The following GALNT17 variants were observed in gnomAD, a reference collection of about 807,000 sequenced individuals.
GALNT17 encodes UDP-GalNAc:polypeptide N-acetylgalactosaminyltransferase-like 3.
A neutral mutation model predicts 63.7 loss-of-function variants in GALNT17; 29 were observed. The observed-to-expected ratio is 0.46, with a 90% CI of 0.34 to 0.62. GALNT17 has a LOEUF of 0.62. Among genes scored for constraint, GALNT17 ranks in the 20% least tolerant of loss-of-function variants. GALNT17 has a pLI of 0.01. For missense variants in GALNT17, 603 were observed against 799.6 expected, an observed-to-expected ratio of 0.75 and a Z score of 2.97; for synonymous variants, 305 against 318.3, an observed-to-expected ratio of 0.96 and a Z score of 0.45.
chr7:71,625,908 A>G (rs1322103261), intron 6 of GALNT17, among the ~76,000 whole-genome samples: 1 of 152,110 alleles, frequency 6.6e-6, no homozygotes, highest in Non-Finnish European at 1.5e-5. Flanking sequence ...AAATAAGGTC[A>G]TTGGGGTGGA....
At chr7:71,292,153 A>G (rs932633336) in intron 1 of GALNT17, among the ~76,000 whole-genome samples, 2 of 152,178 alleles carry the variant, frequency 1.3e-5, no homozygotes, top group African/African-American at 4.8e-5. Flanking sequence ...GGATTCCGGG[A>G]GAGAGTAGTC....
At chr7:71,454,961 G>A (rs1228145597) in intron 5 of GALNT17, among the ~76,000 whole-genome samples, 1 of 152,052 alleles carries the variant, frequency 6.6e-6, no homozygotes, top group African/African-American at 2.4e-5. Context: ...GAGCTCGGGA[G>A]TTTGAGACCA....
chr7:71,587,102 A>G (rs1789730033), intron 6 of GALNT17, among the ~76,000 whole-genome samples: 1 of 152,070 alleles, frequency 6.6e-6, no homozygotes, highest in South Asian at 2.1e-4. Flanking sequence ...ATCTCAGCTC[A>G]CTGCAACCTC....
intron 2 of GALNT17, among the ~76,000 whole-genome samples, chr7:71,377,113 AAATATATATAT>A (rs1563047639): frequency 0.012 from 950 of 81,928 alleles, 57 homozygotes; most frequent in Non-Finnish European, 0.018. Flanking sequence ...AAAATAAAAA[AAATATATATAT>A]ATATATATAT....
At chr7:71,605,201 C>T (rs1467188975) in intron 6 of GALNT17, among the ~76,000 whole-genome samples, 1 of 152,156 alleles carries the variant, frequency 6.6e-6, no homozygotes, top group Non-Finnish European at 1.5e-5. Flanking sequence ...ACACCGGATG[C>T]CAGCCTTCCG....
At chr7:71,313,673 A>AG (rs1791449369) in intron 1 of GALNT17, among the ~76,000 whole-genome samples, 1 of 152,230 alleles carries the variant, frequency 6.6e-6, no homozygotes. Context: ...AAAGCTCATT[A>AG]GGGAAGAGAG....
chr7:71,409,000 A>G (rs545041810), intron 3 of GALNT17, among the ~76,000 whole-genome samples: 1 of 139,332 alleles, frequency 7.2e-6, no homozygotes, highest in Non-Finnish European at 1.5e-5. Flanking sequence ...ACACATACAT[A>G]TATATGCACA....
At chr7:71,647,206 G>A (rs1790691543) in intron 6 of GALNT17, among the ~76,000 whole-genome samples, 1 of 148,914 alleles carries the variant, frequency 6.7e-6, no homozygotes, top group Admixed American at 6.8e-5. Flanking sequence ...TGGGATTACA[G>A]GTGCCCACCA....
chr7:71,215,547 G>T (rs1436871105), intron 1 of GALNT17, among the ~76,000 whole-genome samples: 1 of 151,986 alleles, frequency 6.6e-6, no homozygotes, highest in Admixed American at 6.6e-5. Flanking sequence ...TACCCCCACA[G>T]ACCCCATCTG....
rs1301940904 is a variant in GALNT17, at chr7:71,710,904, G to A, written c.1644G>A (p.Leu548=). The change falls in exon 10 of 11, where the codon CTG becomes CTA. Residue 548 remains leucine (L), a synonymous_variant. Transcript: ENST00000333538. ...ACTGCGACAAGGTCAAGAGCAGCCT[G>A]TACAAGCGCTGGAACTTCATCCAGG... is the stretch of plus-strand genomic sequence containing the variant. The part of the protein sequence containing the change: ...LLDCDKVKSS[L]YKRWNFIQNG... The A allele has an allele frequency of 1.9e-6, 3 of 1,613,818 alleles. No homozygotes were observed. The African/African-American group carries it at 4.0e-5, about 22-fold the overall frequency.
intron 1 of GALNT17, among the ~76,000 whole-genome samples, chr7:71,199,651 A>C (rs1585876298): frequency 3.6e-5 from 2 of 56,250 alleles, no homozygotes; most frequent in African/African-American, 7.2e-5. Flanking sequence ...CGACCCACCC[A>C]TCCATCTGTC....
chr7:71,688,085 A>G (rs1791388239), intron 9 of GALNT17, among the ~76,000 whole-genome samples: 2 of 152,180 alleles, frequency 1.3e-5, no homozygotes, highest in Admixed American at 6.5e-5. Context: ...ATGGTGTTCT[A>G]TGTATCTGAA....
intron 1 of GALNT17, among the ~76,000 whole-genome samples, chr7:71,197,627 T>C (rs965188233): frequency 1.3e-5 from 2 of 152,068 alleles, no homozygotes; most frequent in African/African-American, 4.8e-5. Flanking sequence ...GTAACCATCC[T>C]TTTGCTCTCT....
intron 6 of GALNT17, among the ~76,000 whole-genome samples, chr7:71,659,258 A>G (rs575178713): frequency 2.0e-5 from 3 of 152,224 alleles, no homozygotes; most frequent in Non-Finnish European, 4.4e-5. Flanking sequence ...TCCTCTATGT[A>G]TCACTTATGT....
chr7:71,230,000 CATG>C (rs1789758384), intron 1 of GALNT17, among the ~76,000 whole-genome samples: 1 of 152,154 alleles, frequency 6.6e-6, no homozygotes, highest in Non-Finnish European at 1.5e-5. Context: ...TTGGAGAAAA[CATG>C]GTGCTGAGCA....
intron 8 of GALNT17, among the ~76,000 whole-genome samples, chr7:71,672,281 A>G (rs1791082436): frequency 6.6e-6 from 1 of 152,180 alleles, no homozygotes; most frequent in Non-Finnish European, 1.5e-5. Flanking sequence ...CCATTTACCA[A>G]AGTAGATTTC....
intron 6 of GALNT17, among the ~76,000 whole-genome samples, chr7:71,651,862 C>T (rs1385003496): frequency 6.6e-6 from 1 of 152,054 alleles, no homozygotes; most frequent in Admixed American, 6.6e-5. Flanking sequence ...CAAGCATGCG[C>T]ATCCATGCCC....
At chr7:71,709,575 T>TG (rs1050111635) in intron 9 of GALNT17, among the ~76,000 whole-genome samples, 19 of 70,662 alleles carry the variant, frequency 2.7e-4, no homozygotes, top group African/African-American at 5.7e-4. Flanking sequence ...TTTCAGTTTT[T>TG]GGGTTTTTTT....
chr7:71,354,790 TTAG>T (rs1792252460), intron 2 of GALNT17, among the ~76,000 whole-genome samples: 1 of 152,220 alleles, frequency 6.6e-6, no homozygotes, highest in African/African-American at 2.4e-5. Context: ...TCTTAAATGT[TTAG>T]TAGAAGTCAC....
Sources: allele counts gnomAD v4.1 joint callset (sites outside exome capture counted in the v4.1 genomes callset), GRCh38; gene constraint gnomAD v4.1.1; transcripts MANE v1.5; gene names NCBI Gene and HGNC (gene_info 2026-07-23, HGNC 2026-07-21).